Variants in CNTNAP2 observed in about 807,000 individuals in gnomAD.
CNTNAP2 encodes the protein contactin-associated protein-like 2.
In CNTNAP2, 98 loss-of-function variants were observed where a neutral mutation model predicts 155.2. That is an observed-to-expected ratio of 0.63 (90% CI 0.54 to 0.75). The LOEUF (loss-of-function observed/expected upper bound fraction) is 0.75, where lower values mean the gene tolerates loss of function less well. Ranked by LOEUF, CNTNAP2 falls within the 30% of genes least tolerant of loss-of-function variation. CNTNAP2 has a pLI of 0.00. For synonymous variants in CNTNAP2, 651 were observed against 631.2 expected, an observed-to-expected ratio of 1.03 and a Z score of -0.47; for missense variants, 1,727 against 1,688.1, an observed-to-expected ratio of 1.02 and a Z score of -0.40.
At chr7:146,857,148 T>C (rs1165271411) in intron 3 of CNTNAP2, among the ~76,000 whole-genome samples, 1 of 152,086 alleles carries the variant, frequency 6.6e-6, no homozygotes, top group Non-Finnish European at 1.5e-5. Context: ...ATATGCAACT[T>C]ATTCTCACAT....
chr7:146,251,445 A>C (rs1434308976), intron 1 of CNTNAP2, among the ~76,000 whole-genome samples: 1 of 152,178 alleles, frequency 6.6e-6, no homozygotes, highest in East Asian at 1.9e-4. Context: ...TTTAAAATGC[A>C]TCTCTTTTCC....
intron 13 of CNTNAP2, among the ~76,000 whole-genome samples, chr7:147,705,281 T>A (rs1796293320): frequency 6.6e-6 from 1 of 152,200 alleles, no homozygotes; most frequent in Admixed American, 6.5e-5. Flanking sequence ...TATTTCTTGA[T>A]TTCTTCCTTA....
intron 11 of CNTNAP2, among the ~76,000 whole-genome samples, chr7:147,531,968 G>T (rs553086335): frequency 6.6e-6 from 1 of 151,910 alleles, no homozygotes; most frequent in African/African-American, 2.4e-5. Context: ...CACCATGTCC[G>T]ACTAATTTTT....
intron 9 of CNTNAP2, among the ~76,000 whole-genome samples, chr7:147,342,617 C>T (rs907448437): frequency 6.6e-6 from 1 of 152,106 alleles, no homozygotes; most frequent in Admixed American, 6.6e-5. Context: ...CAGTGAAACC[C>T]GTAGCAATTT....
intron 21 of CNTNAP2, among the ~76,000 whole-genome samples, chr7:148,290,770 C>G (rs1797175596): frequency 6.6e-6 from 1 of 152,202 alleles, no homozygotes; most frequent in Non-Finnish European, 1.5e-5. Flanking sequence ...AGGCTCACCT[C>G]TTTACAAAGC....
intron 20 of CNTNAP2, among the ~76,000 whole-genome samples, chr7:148,233,792 T>C (rs1049351678): frequency 2.0e-5 from 3 of 152,230 alleles, no homozygotes; most frequent in African/African-American, 7.2e-5. Flanking sequence ...CCAAATCTCA[T>C]GTCAAATTAT....
intron 2 of CNTNAP2, among the ~76,000 whole-genome samples, chr7:146,808,847 G>T (rs570488573): frequency 6.6e-6 from 1 of 152,210 alleles, no homozygotes; most frequent in African/African-American, 2.4e-5. Flanking sequence ...TGTCCCTCCA[G>T]TTCATTCACG....
chr7:146,819,525 C>T (rs150705988), intron 2 of CNTNAP2, among the ~76,000 whole-genome samples: 3 of 152,176 alleles, frequency 2.0e-5, no homozygotes, highest in African/African-American at 7.2e-5. Context: ...TTGGCACGTC[C>T]CATCAAGTCT....
At chr7:148,234,321 G>A (rs1255458243) in intron 20 of CNTNAP2, among the ~76,000 whole-genome samples, 1 of 152,204 alleles carries the variant, frequency 6.6e-6, no homozygotes, top group Non-Finnish European at 1.5e-5. Flanking sequence ...TTTAGAAGCA[G>A]ATACCTCTGG....
chr7:147,019,224 T>C (rs1471016976), intron 3 of CNTNAP2, among the ~76,000 whole-genome samples: 1 of 152,016 alleles, frequency 6.6e-6, no homozygotes, highest in Admixed American at 6.6e-5. Flanking sequence ...GTGCAGCCAG[T>C]TTAGCTGAGT....
chr7:146,496,809 A>T (rs929102519), intron 1 of CNTNAP2, among the ~76,000 whole-genome samples: 2 of 152,244 alleles, frequency 1.3e-5, no homozygotes, highest in African/African-American at 4.8e-5. Context: ...ATTCAGGTAT[A>T]ACAAAAATGG....
intron 1 of CNTNAP2, among the ~76,000 whole-genome samples, chr7:146,498,386 AG>A (rs1252906474): frequency 2.0e-5 from 3 of 152,190 alleles, no homozygotes; most frequent in African/African-American, 7.2e-5. Context: ...TTTGTTCTAC[AG>A]AGCACTCCAT....
chr7:148,273,593 A>G (rs1000983240), intron 21 of CNTNAP2, among the ~76,000 whole-genome samples: 16 of 152,270 alleles, frequency 1.1e-4, no homozygotes, highest in African/African-American at 3.9e-4. Context: ...TGAAATAAAA[A>G]GACGGTAGCT....
intron 1 of CNTNAP2, among the ~76,000 whole-genome samples, chr7:146,184,710 G>T (rs1365261100): frequency 6.6e-6 from 1 of 152,130 alleles, no homozygotes; most frequent in Non-Finnish European, 1.5e-5. Context: ...CAAAGGAAAT[G>T]CGTGTGGCTC....
At chr7:147,887,625 T>G (rs77769730) in intron 13 of CNTNAP2, among the ~76,000 whole-genome samples, 1,625 of 152,268 alleles carry the variant, frequency 0.011, 16 homozygotes, top group Non-Finnish European at 0.013. Context: ...ACCTAAAGGC[T>G]TCTGTCAGTT....
At chr7:148,127,648 T>C (rs1274950862) in intron 16 of CNTNAP2, among the ~76,000 whole-genome samples, 1 of 152,194 alleles carries the variant, frequency 6.6e-6, no homozygotes, top group Non-Finnish European at 1.5e-5. Flanking sequence ...ATACAGAAAC[T>C]GATGAGTCAG....
At chr7:146,798,395 G>T (rs1395822888) in intron 2 of CNTNAP2, among the ~76,000 whole-genome samples, 1 of 152,124 alleles carries the variant, frequency 6.6e-6, no homozygotes, top group African/African-American at 2.4e-5. Flanking sequence ...AAGCTGGAGT[G>T]CAGTGGTGTG....
At chr7:147,146,130 T>C (rs1294619958) in intron 8 of CNTNAP2, 1 of 152,198 alleles carries the variant, frequency 6.6e-6, no homozygotes, top group Non-Finnish European at 1.5e-5. Flanking sequence ...GAAAATTTAA[T>C]TATATTACAG....
intron 1 of CNTNAP2, among the ~76,000 whole-genome samples, chr7:146,212,896 C>G (rs1241263084): frequency 2.0e-5 from 3 of 152,060 alleles, no homozygotes; most frequent in Non-Finnish European, 2.9e-5. Context: ...TAATATCTCC[C>G]CCTTACTGGA....
Sources: allele counts gnomAD v4.1 joint callset (sites outside exome capture counted in the v4.1 genomes callset), GRCh38; gene constraint gnomAD v4.1.1; transcripts MANE v1.5; gene names NCBI Gene and HGNC (gene_info 2026-07-23, HGNC 2026-07-21).